Variants in RELCH observed in about 807,000 individuals in gnomAD.
RELCH encodes RAB11-binding protein RELCH.
Under a neutral mutation model 150.3 loss-of-function variants are expected in RELCH, and 41 were observed. The ratio of observed to expected loss-of-function variants is 0.27; its 90% CI spans 0.21 to 0.35. RELCH has a LOEUF of 0.35. RELCH is among the 10% of genes least tolerant of loss of function. The probability of loss-of-function intolerance (pLI) is 1.00; values close to 1 mark genes in which losing one functional copy is unlikely to be tolerated. For synonymous variants in RELCH, 478 were observed against 531.8 expected (o/e 0.90, Z 1.39); for missense variants, 1,092 against 1,467.8 (o/e 0.74, Z 4.18).
chr18:62,258,741 AAC>A, intron 15 of RELCH, 65 bp downstream of exon 15: 1 of 1,159,856 alleles, frequency 8.6e-7, no homozygotes, highest in Non-Finnish European at 1.2e-6. Flanking sequence ...GCCATCTTGG[AAC>A]AATGTTAGAG....
Position 62,238,514 on chromosome 18 carries a change from T to A in RELCH, c.1620+6087T>A, listed in dbSNP as rs1357753903. Among the ~76,000 whole-genome samples the A allele has an allele frequency of 2.6e-5, 4 of 152,160 alleles. No homozygotes were observed. In the East Asian group the frequency reaches 7.7e-4, roughly 29 times the overall value. On this transcript the variant is annotated intron_variant, in intron 10 of 28. Transcript: ENST00000644646. ...AAGAGGAAATTCTATAATTAAAAAA[T>A]AGAATTTTTTAAAAGATTACTTCAA...
chr18:62,210,670 A>C lies in RELCH; in HGVS notation c.527-483A>C, dbSNP rs183582927. Among the ~76,000 whole-genome samples the C allele has an allele frequency of 9.0e-4, 137 of 152,284 alleles. 1 individual carries two copies. Among genetic ancestry groups the C allele is most frequent in the Non-Finnish European group, 1.7e-3 (115 of 68,028 alleles). On this transcript the variant is annotated intron_variant, in intron 1 of 28. Coordinates refer to ENST00000644646, the MANE Select transcript of RELCH (RefSeq NM_001346231.2). ...AAAATCTTAGTCTACTGATTTTACC[A>C]TTATGTCCTGGTATCATCTAGGAGT...
At chr18:62,264,404 CT>C (rs2043441223) in intron 17 of RELCH, among the ~76,000 whole-genome samples, 2 of 151,974 alleles carry the variant, frequency 1.3e-5, no homozygotes, top group Non-Finnish European at 2.9e-5. Flanking sequence ...ATCTAGACTT[CT>C]CATTTTTGAG....
At chr18:62,255,522 A>G in intron 13 of RELCH, 44 bp downstream of exon 13, 1 of 1,406,038 alleles carries the variant, frequency 7.1e-7, no homozygotes, top group South Asian at 1.2e-5. Flanking sequence ...TTTTCCAATA[A>G]TAGAAAAACC....
At chr18:62,265,111 A>G (rs2043482205) in intron 18 of RELCH, among the ~76,000 whole-genome samples, 1 of 152,068 alleles carries the variant, frequency 6.6e-6, no homozygotes, top group Admixed American at 6.6e-5. Context: ...GATATCCTCA[A>G]AGATTTTCAA....
chr18:62,257,865 T>A, intron 13 of RELCH, 83 bp from the exon 14 acceptor site: 1 of 1,058,608 alleles, frequency 9.4e-7, no homozygotes, highest in East Asian at 2.7e-5. Flanking sequence ...ATCTGGATTT[T>A]GACCACACTG....
chr18:62,227,216 C>A, intron 5 of RELCH, 73 bp from the exon 6 acceptor site: 3 of 970,154 alleles, frequency 3.1e-6, no homozygotes, highest in South Asian at 1.6e-5. Flanking sequence ...AAGATATTAG[C>A]AATAATATGA....
At chr18:62,262,556 T>A (rs905700503) in intron 16 of RELCH, among the ~76,000 whole-genome samples, 2 of 152,046 alleles carry the variant, frequency 1.3e-5, no homozygotes, top group African/African-American at 4.8e-5. Flanking sequence ...TATTTGGATG[T>A]CAGTTTTATT....
In RELCH at chr18:62,299,230, G is replaced by A. The variant is rs563969764; in HGVS notation, c.3530+370G>A. On this transcript the variant is annotated intron_variant, in intron 28 of 28. Coordinates refer to ENST00000644646, the MANE Select transcript of RELCH (RefSeq NM_001346231.2). The stretch of plus-strand genomic sequence containing the variant: ...GGAGTTGTAAGATGAACAACGTACT[G>A]CATAAAGGACTATCAACTTGGGAAT... Among the ~76,000 whole-genome samples the A allele has an allele frequency of 2.6e-5, 4 of 152,256 alleles. No homozygotes were observed. The East Asian group carries it at 7.7e-4, about 29-fold the overall frequency.
At chr18:62,277,889 C>A (rs1291468796) in intron 22 of RELCH, 11 of 932,550 alleles carry the variant, frequency 1.2e-5, no homozygotes, top group Non-Finnish European at 1.3e-5. Flanking sequence ...GGAAATTGAA[C>A]ATGTAACATT....
chr18:62,191,180 A>G (rs2038608056), intron 1 of RELCH, among the ~76,000 whole-genome samples: 1 of 152,174 alleles, frequency 6.6e-6, no homozygotes, highest in Admixed American at 6.5e-5. Flanking sequence ...AAACTGCCAA[A>G]CTGTTTTCCA....
chr18:62,266,557 T>G, intron 18 of RELCH, 144 bp from the exon 19 acceptor site: 1 of 499,290 alleles, frequency 2.0e-6, no homozygotes, highest in Non-Finnish European at 3.6e-6. Context: ...GATTAAGAAT[T>G]ATTACATTTC....
chr18:62,252,771 A>C lies in RELCH; in HGVS notation c.1824+17A>C. ...TGGGAACAGGTAAATAACTGTATTG[A>C]GTTTTCACCTAGCTATTATAGCCTG... On this transcript the variant is annotated intron_variant, in intron 12 of 28. Coordinates refer to ENST00000644646, the MANE Select transcript of RELCH (RefSeq NM_001346231.2). 1 of 1,561,774 alleles carries C rather than the reference A, an allele frequency of 6.4e-7. No individual in the cohort carries two copies. The highest frequency in any genetic ancestry group is 8.8e-7 in the Non-Finnish European group (1 of 1,132,678).
intron 21 of RELCH, among the ~76,000 whole-genome samples, chr18:62,275,064 G>A (rs1199618564): frequency 6.6e-6 from 1 of 152,076 alleles, no homozygotes; most frequent in African/African-American, 2.4e-5. Context: ...CTACAGGTGC[G>A]CATCACCATG....
chr18:62,199,118 T>G (rs1311145405), intron 1 of RELCH, among the ~76,000 whole-genome samples: 2 of 151,642 alleles, frequency 1.3e-5, no homozygotes, highest in African/African-American at 2.4e-5. Context: ...TATTTTTTTT[T>G]TCTTATGGAA....
chr18:62,247,541 CG>C (rs1422369149), intron 11 of RELCH: 1 of 148,192 alleles, frequency 6.7e-6, no homozygotes, highest in African/African-American at 2.5e-5. Flanking sequence ...TTATTATAAG[CG>C]ATTTTTTTTT....
At chr18:62,203,363 AGGAGAATGGCTT>A (rs1288463280) in intron 1 of RELCH, among the ~76,000 whole-genome samples, 1 of 152,148 alleles carries the variant, frequency 6.6e-6, no homozygotes, top group East Asian at 1.9e-4. Context: ...AGGCTGAGGC[AGGAGAATGGCTT>A]GAACCTGGGA....
chr18:62,190,263 A>G (rs2038523260), intron 1 of RELCH, among the ~76,000 whole-genome samples: 1 of 152,312 alleles, frequency 6.6e-6, no homozygotes, highest in Non-Finnish European at 1.5e-5. Flanking sequence ...GTTTTGACAA[A>G]TCAGTCACTA....
chr18:62,234,603 G>A (rs1255091927), intron 10 of RELCH, among the ~76,000 whole-genome samples: 1 of 151,678 alleles, frequency 6.6e-6, no homozygotes, highest in East Asian at 1.9e-4. Flanking sequence ...TAAAGCATTG[G>A]AAACAGGGTT....
Sources: allele counts gnomAD v4.1 joint callset (sites outside exome capture counted in the v4.1 genomes callset), GRCh38; gene constraint gnomAD v4.1.1; transcripts MANE v1.5; gene names NCBI Gene and HGNC (gene_info 2026-07-23, HGNC 2026-07-21).